ITPR2: variants seen among roughly 807,000 people sequenced by gnomAD.
The protein encoded by ITPR2 is inositol 1,4,5-trisphosphate receptor type 2.
Under a neutral mutation model 317.1 loss-of-function variants are expected in ITPR2, and 207 were observed. The observed-to-expected ratio is 0.65, with a 90% confidence interval of 0.58 to 0.73. The LOEUF (loss-of-function observed/expected upper bound fraction) is 0.73, where lower values mean the gene tolerates loss of function less well. Among genes scored for constraint, ITPR2 ranks in the 30% least tolerant of loss-of-function variants. The pLI, the probability that ITPR2 is intolerant of heterozygous loss-of-function variation, is 0.00. For missense variants in ITPR2, 2,613 were observed against 3,284.0 expected (o/e 0.80, Z 4.99); for synonymous variants, 1,156 against 1,149.1 (o/e 1.01, Z -0.12).
chr12:26,384,590 C>T (rs764962052), intron 55 of ITPR2, among the ~76,000 whole-genome samples: 17 of 152,150 alleles, frequency 1.1e-4, no homozygotes, highest in Non-Finnish European at 2.2e-4. Flanking sequence ...AGTACAAGTG[C>T]CTGGTAAAAT....
intron 49 of ITPR2, among the ~76,000 whole-genome samples, chr12:26,421,093 A>G (rs1180259022): frequency 1.3e-5 from 2 of 152,184 alleles, no homozygotes; most frequent in South Asian, 2.1e-4. Context: ...TACGCAGAAA[A>G]ACTATTTATA....
chr12:26,832,624 G>C, intron 1 of ITPR2, 66 bp downstream of exon 1: 2 of 1,243,310 alleles, frequency 1.6e-6, no homozygotes. Flanking sequence ...GGCGGCGGAG[G>C]AGGGACAGGG....
chr12:26,737,409 C>T (rs569289850), intron 2 of ITPR2, among the ~76,000 whole-genome samples: 25 of 152,236 alleles, frequency 1.6e-4, no homozygotes, highest in African/African-American at 5.5e-4. Context: ...GCACGCCCTA[C>T]GACGCCCAGC....
intron 54 of ITPR2, among the ~76,000 whole-genome samples, chr12:26,397,589 C>T (rs901969201): frequency 6.6e-6 from 1 of 152,088 alleles, no homozygotes; most frequent in African/African-American, 2.4e-5. Flanking sequence ...CAGGGAATGA[C>T]TGCTTTCTAT....
At chr12:26,378,238 GGAAGTAA>G (rs1939402502) in intron 55 of ITPR2, among the ~76,000 whole-genome samples, 1 of 151,992 alleles carries the variant, frequency 6.6e-6, no homozygotes, top group Non-Finnish European at 1.5e-5. Flanking sequence ...TGGTGGGCTA[GGAAGTAA>G]CGGGAATGGG....
chr12:26,692,693 G>A (rs903834488), intron 10 of ITPR2, among the ~76,000 whole-genome samples: 57 of 152,218 alleles, frequency 3.7e-4, no homozygotes, highest in African/African-American at 1.3e-3. Flanking sequence ...GTCTTAATGG[G>A]AGCTCTGACA....
intron 37 of ITPR2, among the ~76,000 whole-genome samples, chr12:26,524,666 A>G (rs1943762066): frequency 6.6e-6 from 1 of 152,188 alleles, no homozygotes. Flanking sequence ...AGATTTTTTC[A>G]AAAAAATAAA....
intron 21 of ITPR2, among the ~76,000 whole-genome samples, chr12:26,640,379 TA>T (rs1039171643): frequency 6.6e-5 from 10 of 151,320 alleles, no homozygotes; most frequent in Admixed American, 2.0e-4. Context: ...AAAATTTAAT[TA>T]AAAAAAAACA....
At chr12:26,383,735 A>G (rs1939586565) in intron 55 of ITPR2, among the ~76,000 whole-genome samples, 1 of 149,968 alleles carries the variant, frequency 6.7e-6, no homozygotes, top group South Asian at 2.1e-4. Context: ...TGACCTCATG[A>G]TCTTCCCGCC....
chr12:26,558,226 A>G (rs932386866), intron 35 of ITPR2, among the ~76,000 whole-genome samples: 1 of 152,166 alleles, frequency 6.6e-6, no homozygotes, highest in Non-Finnish European at 1.5e-5. Context: ...TGTTTAGATT[A>G]CCTCTTCTTT....
chr12:26,559,735 TG>T (rs1276116062), intron 35 of ITPR2, among the ~76,000 whole-genome samples: 1 of 152,208 alleles, frequency 6.6e-6, no homozygotes, highest in East Asian at 1.9e-4. Context: ...GGGCTTTTCT[TG>T]GATCTTCAAA....
At chr12:26,422,454 T>C (rs944285719) in intron 49 of ITPR2, among the ~76,000 whole-genome samples, 1 of 152,176 alleles carries the variant, frequency 6.6e-6, no homozygotes, top group African/African-American at 2.4e-5. Context: ...AGAAAGACAC[T>C]GAATTAGAAG....
At chr12:26,777,425 C>A (rs896324785) in intron 2 of ITPR2, among the ~76,000 whole-genome samples, 3 of 152,162 alleles carry the variant, frequency 2.0e-5, no homozygotes, top group African/African-American at 7.2e-5. Context: ...AGTCACTCAA[C>A]TACAAAATTT....
chr12:26,645,572 C>T (rs1465476800), intron 21 of ITPR2, among the ~76,000 whole-genome samples: 1 of 152,232 alleles, frequency 6.6e-6, no homozygotes, highest in Non-Finnish European at 1.5e-5. Flanking sequence ...CAGAATCGAG[C>T]CATCTCAAGA....
At chr12:26,475,097 T>C (rs1358894644) in intron 45 of ITPR2, among the ~76,000 whole-genome samples, 199 bp downstream of exon 45, 2 of 152,142 alleles carry the variant, frequency 1.3e-5, no homozygotes, top group Non-Finnish European at 2.9e-5. Flanking sequence ...CAAGCACTCT[T>C]TTCCTGAAGA....
intron 55 of ITPR2, among the ~76,000 whole-genome samples, chr12:26,360,951 C>T (rs1034380666): frequency 1.7e-4 from 26 of 152,066 alleles, no homozygotes; most frequent in African/African-American, 5.1e-4. Flanking sequence ...CCATGGCTCA[C>T]GCCTGTAATC....
At chr12:26,488,389 A>G (rs576164557) in intron 39 of ITPR2, among the ~76,000 whole-genome samples, 5 of 152,090 alleles carry the variant, frequency 3.3e-5, no homozygotes, top group Admixed American at 6.6e-5. Flanking sequence ...GCTTTCCTTT[A>G]GGAATTCCTG....
In ITPR2 at chr12:26,654,003, C is replaced by T. The variant is rs1185242396; in HGVS notation, c.2713G>A (p.Glu905Lys). 1 of 1,611,070 alleles carries T rather than the reference C, an allele frequency of 6.2e-7. No individual in the cohort carries two copies. The highest frequency in any genetic ancestry group is 8.5e-7 in the Non-Finnish European group (1 of 1,178,158). Residue 905 changes from glutamate (E) to lysine (K), a missense_variant, in exon 21 of 57, where the codon GAA (glutamate) becomes AAA (lysine). Transcript: ENST00000381340. ...CCATCTTGAAATTTGCTTAATCTTT[C>T]AAAGTATGATGACATGGGGGCCTGT... ...IVQAPMSSYF[E>K]RLSKFQDGGN...
In ITPR2 at chr12:26,659,110, A is replaced by C; in HGVS notation, c.1886+3T>G. On this transcript the variant is annotated splice_donor_region_variant and intron_variant, in intron 16 of 56. Coordinates refer to ENST00000381340, the MANE Select transcript of ITPR2 (RefSeq NM_002223.4). ...AAAGAATACCGCATGAATCATTTCA[A>C]ACCTTGGCTCCCGATTTCTCCTGAG... 1.2e-6 allele frequency: 2 copies of C among 1,609,736 alleles called. No homozygotes were observed. Among genetic ancestry groups the C allele is most frequent in the Non-Finnish European group, 1.7e-6 (2 of 1,177,058 alleles).
Sources: gnomAD v4.1 joint callset for allele counts (sites outside exome capture counted in the v4.1 genomes callset) on GRCh38, gnomAD v4.1.1 for gene constraint, MANE v1.5 for transcripts, NCBI Gene and HGNC (gene_info 2026-07-23, HGNC 2026-07-21) for gene names.